Variants in MYBL1 observed in about 807,000 individuals in gnomAD.
MYBL1 encodes the protein myb-related protein A.
Under a neutral mutation model 96.3 loss-of-function variants are expected in MYBL1, and 17 were observed. That is an observed-to-expected ratio of 0.18 (90% CI 0.12 to 0.26). The LOEUF (loss-of-function observed/expected upper bound fraction) is 0.26, where lower values mean the gene tolerates loss of function less well. Among genes scored for constraint, MYBL1 ranks in the 10% least tolerant of loss-of-function variants. The pLI is 1.00. For synonymous variants in MYBL1, 282 were observed against 292.7 expected, an observed-to-expected ratio of 0.96 and a Z score of 0.37; for missense variants, 701 against 882.9, an observed-to-expected ratio of 0.79 and a Z score of 2.61.
intron 1 of MYBL1, among the ~76,000 whole-genome samples, chr8:66,607,497 C>A (rs1340350662): frequency 1.3e-5 from 2 of 151,956 alleles, no homozygotes; most frequent in African/African-American, 4.8e-5. Context: ...AACTAATGAA[C>A]AATCTTCCCT....
chr8:66,591,017 G>GTT (rs1449865069), intron 8 of MYBL1, among the ~76,000 whole-genome samples: 1 of 152,120 alleles, frequency 6.6e-6, no homozygotes, highest in Non-Finnish European at 1.5e-5. Context: ...AAACATCACT[G>GTT]TGTACCCCAC....
intron 1 of MYBL1, among the ~76,000 whole-genome samples, chr8:66,605,941 T>C (rs1810295424): frequency 6.6e-6 from 1 of 152,228 alleles, no homozygotes; most frequent in South Asian, 2.1e-4. Flanking sequence ...TATTAAATTT[T>C]TCTCTTAAAG....
At chr8:66,573,264 T>A (rs1808806387) in intron 11 of MYBL1, 100 bp downstream of exon 11, 2 of 1,155,620 alleles carry the variant, frequency 1.7e-6, no homozygotes, top group South Asian at 2.2e-5. Flanking sequence ...CCTGTAGGAA[T>A]AGGAATTATG....
At chr8:66,593,088 T>C in intron 7 of MYBL1, 32 bp downstream of exon 7, 2 of 1,378,230 alleles carry the variant, frequency 1.5e-6, no homozygotes, top group Non-Finnish European at 2.0e-6. Flanking sequence ...CTGAACACAT[T>C]TCCTTTGGTT....
At position 66,576,221 on chromosome 8, in the gene MYBL1, T is replaced by A. The variant is rs775558567; in HGVS notation, c.1256A>T (p.Lys419Ile). The A allele has an allele frequency of 3.1e-6, 5 of 1,613,868 alleles. No homozygotes were observed. In the South Asian group the frequency reaches 5.5e-5, roughly 18 times the overall value. Reference protein sequence around the residue: ...FNVSLVLEGKKNTCNGGNSEA... With the variant: ...FNVSLVLEGKINTCNGGNSEA... ...ACTGTTGCCACCATTACAAGTGTTT[T>A]TTTTCCCTTCAAGTACAAGACTGAC... is the stretch of plus-strand genomic sequence containing the variant. Residue 419 changes from lysine (K) to isoleucine (I), a missense_variant, in exon 10 of 16, where the codon AAA (lysine) becomes ATA (isoleucine). Physicochemically the swap from Lys to Ile is moderately radical, Grantham distance 102. Transcript: ENST00000522677.
At position 66,592,987 on chromosome 8, in the gene MYBL1, G is replaced by C. The variant is rs995146315; in HGVS notation, c.762+133C>G. 3 of 562,952 alleles carry C rather than the reference G, an allele frequency of 5.3e-6. No homozygotes were observed. In the African/African-American group the frequency reaches 5.7e-5, roughly 11 times the overall value. 34.9% of individuals were successfully genotyped at this position (562,952 alleles called of 1,614,324 possible). ...TCACTTACACACTTTCTTCTTTATA[G>C]TTAGAGTACTCCAAGTAGGACAGAT... is the stretch of plus-strand genomic sequence containing the variant. On this transcript the variant is annotated intron_variant, in intron 7 of 15. Transcript: ENST00000522677.
In MYBL1 at chr8:66,592,446, A is replaced by C; in HGVS notation, c.861T>G (p.Ile287Met). The change falls in exon 8 of 16, where the codon ATT (isoleucine) becomes ATG (methionine). Residue 287 changes from isoleucine to methionine, a missense_variant. Ile to Met is a conservative substitution (Grantham distance 10). Coordinates refer to ENST00000522677, the MANE Select transcript of MYBL1 (RefSeq NM_001080416.4). ...TAACAAGCTTATTTCTTACTGATGG[A>C]ATTCGCTTTCTTCTAACTTCATTCT... ...SAENEVRRKR[I>M]PSQPGSFSSW... The C allele has an allele frequency of 6.3e-7, 1 of 1,578,460 alleles. No individual in the cohort carries two copies. The highest frequency in any genetic ancestry group is 8.6e-7 in the Non-Finnish European group (1 of 1,162,220).
intron 1 of MYBL1, among the ~76,000 whole-genome samples, chr8:66,610,593 T>C (rs1291281412): frequency 2.0e-5 from 3 of 152,058 alleles, no homozygotes; most frequent in Admixed American, 2.0e-4. Context: ...ATAAATTGAG[T>C]TCAAATATAT....
At chr8:66,578,768 G>C (rs1039657006) in intron 9 of MYBL1, among the ~76,000 whole-genome samples, 193 of 152,030 alleles carry the variant, frequency 1.3e-3, no homozygotes, top group Non-Finnish European at 1.4e-3. Flanking sequence ...CTGCTATAAA[G>C]ACACATGCAC....
At position 66,581,498 on chromosome 8, in the gene MYBL1, G is replaced by A. The variant is rs550795227; in HGVS notation, c.868-1132C>T. 5.3e-5 allele frequency among the ~76,000 whole-genome samples: 8 copies of A among 152,116 alleles called. No homozygotes were observed. In the East Asian group the frequency reaches 1.6e-3, roughly 30 times the overall value. ...TTGAGAACAGTTTGGCCAACATAAC[G>A]AAACCCCATCTCTACAAAAAATACA... On this transcript the variant is annotated intron_variant, in intron 8 of 15. Transcript: ENST00000522677.
At chr8:66,610,795 T>C (rs1810498524) in intron 1 of MYBL1, among the ~76,000 whole-genome samples, 1 of 152,140 alleles carries the variant, frequency 6.6e-6, no homozygotes, top group Admixed American at 6.6e-5. Context: ...CATTTAAGTA[T>C]GAAGACTTAA....
At chr8:66,578,566 A>G (rs1809065979) in intron 9 of MYBL1, among the ~76,000 whole-genome samples, 1 of 151,106 alleles carries the variant, frequency 6.6e-6, no homozygotes, top group Non-Finnish European at 1.5e-5. Flanking sequence ...GCAATCATTA[A>G]AAAGTCAGGA....
intron 8 of MYBL1, among the ~76,000 whole-genome samples, chr8:66,581,184 T>C (rs1809197437): frequency 6.6e-6 from 1 of 152,198 alleles, no homozygotes; most frequent in Non-Finnish European, 1.5e-5. Flanking sequence ...GATTATACAC[T>C]TTTATCTGCT....
rs562094004 is a variant in MYBL1 at position 66,579,300 on chromosome 8, T to C, written c.1101+833A>G. On this transcript the variant is annotated intron_variant, in intron 9 of 15. Coordinates refer to ENST00000522677, the MANE Select transcript of MYBL1 (RefSeq NM_001080416.4). ...AAGTAGACACTACCTAAATGTCCAA[T>C]AATAATAGTTGGGTAAATATATTTT... Among the ~76,000 whole-genome samples the C allele has an allele frequency of 4.6e-5, 7 of 152,042 alleles. No homozygotes were observed. In the South Asian group the frequency reaches 1.2e-3, roughly 27 times the overall value.
intron 1 of MYBL1, among the ~76,000 whole-genome samples, chr8:66,604,207 G>C (rs1345125218): frequency 1.3e-5 from 2 of 152,096 alleles, no homozygotes; most frequent in African/African-American, 2.4e-5. Flanking sequence ...TCAATAAATG[G>C]TGTTAAGACA....
chr8:66,591,402 A>C (rs925891890), intron 8 of MYBL1, among the ~76,000 whole-genome samples: 4 of 152,230 alleles, frequency 2.6e-5, no homozygotes, highest in African/African-American at 9.6e-5. Context: ...ATTTAAATAT[A>C]AACTTGTATC....
intron 5 of MYBL1, among the ~76,000 whole-genome samples, chr8:66,596,433 A>G (rs1224746018): frequency 6.6e-6 from 1 of 152,166 alleles, no homozygotes; most frequent in East Asian, 1.9e-4. Flanking sequence ...AAATATACAC[A>G]CATAAAGCAG....
intron 9 of MYBL1, among the ~76,000 whole-genome samples, chr8:66,578,469 C>G (rs1809060007): frequency 6.6e-6 from 1 of 152,200 alleles, no homozygotes; most frequent in African/African-American, 2.4e-5. Flanking sequence ...AGCCAAAAGA[C>G]ACTTGAAAAA....
rs898352219 is a variant in MYBL1 at position 66,566,279 on chromosome 8, T to C, written c.1951-36A>G. On this transcript the variant is annotated intron_variant, in intron 14 of 15. Transcript: ENST00000522677. ...AAAAAGAAAGAGGAAAATAACTAAT[T>C]CAAAAATGGAGACAAATGGAGGGAC... 3.8e-6 allele frequency: 5 copies of C among 1,299,948 alleles called. No homozygotes were observed. In the African/African-American group the frequency reaches 6.1e-5, roughly 16 times the overall value. The allele number at this position is 1,299,948 out of a possible 1,614,324, so 80.5% of individuals were successfully genotyped here.
Sources: allele counts gnomAD v4.1 joint callset (sites outside exome capture counted in the v4.1 genomes callset), GRCh38; gene constraint gnomAD v4.1.1; transcripts MANE v1.5; gene names NCBI Gene and HGNC (gene_info 2026-07-23, HGNC 2026-07-21).